GRIN2A: variants seen among roughly 807,000 people sequenced by gnomAD.
The protein encoded by GRIN2A is glutamate receptor ionotropic, NMDA 2A.
A neutral mutation model predicts 113.4 loss-of-function variants in GRIN2A; 22 were observed. That is an observed-to-expected ratio of 0.19 (90% CI 0.14 to 0.28). The LOEUF (loss-of-function observed/expected upper bound fraction) is 0.28. GRIN2A is among the 10% of genes least tolerant of loss of function. GRIN2A has a pLI of 1.00. For synonymous variants in GRIN2A, 827 were observed against 738.4 expected (o/e 1.12, Z -1.94); for missense variants, 1,502 against 1,887.0 (o/e 0.80, Z 3.78).
rs1464988205 is a variant in GRIN2A at position 10,036,443 on chromosome 16, TTTTTTC to T, written c.415-97898_415-97893del. On this transcript the variant is annotated intron_variant, in intron 2 of 12. Coordinates refer to ENST00000330684, the MANE Select transcript of GRIN2A (RefSeq NM_001134407.3). ...ATAAAAATATTAGTACTTACTTTTT[TTTTTTC>T]TTTTTTTTTTTTTTTTTTTTTTTTT... Among the ~76,000 whole-genome samples, 276 of 68,458 alleles carry T rather than the reference TTTTTTC, an allele frequency of 4.0e-3. 4 individuals are homozygous for T. The highest frequency in any genetic ancestry group is 0.011 in the South Asian group (20 of 1,860). 44.9% of individuals were successfully genotyped at this position (68,458 alleles called of 152,430 possible).
intron 4 of GRIN2A, among the ~76,000 whole-genome samples, chr16:9,883,692 G>T (rs2141461743): frequency 6.6e-6 from 1 of 152,300 alleles, no homozygotes; most frequent in Non-Finnish European, 1.5e-5. Flanking sequence ...CTTTGGACAA[G>T]GTGATATTGG....
chr16:9,815,393 T>C (rs542085704), intron 10 of GRIN2A, among the ~76,000 whole-genome samples: 117 of 139,756 alleles, frequency 8.4e-4, no homozygotes, highest in Middle Eastern at 3.7e-3. Flanking sequence ...TACAGAGAAC[T>C]CTTAAAACCT....
At chr16:10,035,990 G>C (rs28470391) in intron 2 of GRIN2A, among the ~76,000 whole-genome samples, 2,345 of 152,220 alleles carry the variant, frequency 0.015, 67 homozygotes, top group African/African-American at 0.053. Context: ...TCCCAAAGTG[G>C]TGGGATTACA....
intron 11 of GRIN2A, among the ~76,000 whole-genome samples, chr16:9,774,162 C>G (rs903375536): frequency 6.6e-6 from 1 of 152,170 alleles, no homozygotes; most frequent in African/African-American, 2.4e-5. Context: ...GGAGGAGTTT[C>G]TCCCATTACC....
chr16:10,070,387 A>G (rs982760435), intron 2 of GRIN2A, among the ~76,000 whole-genome samples: 11 of 152,310 alleles, frequency 7.2e-5, no homozygotes, highest in South Asian at 2.1e-4. Context: ...GACTTGCTGA[A>G]CTGGAATCTG....
rs188578074 is a variant in GRIN2A at position 9,812,528 on chromosome 16, C to A, written c.2168+9736G>T. 7.9e-5 allele frequency among the ~76,000 whole-genome samples: 12 copies of A among 152,210 alleles called. No individual in the cohort carries two copies. In the East Asian group the frequency reaches 2.3e-3, roughly 29 times the overall value. Reference sequence around the variant, plus strand: ...GTGGTGCACCCCTGTAATCCCACTACTTGGGAGGCTGCAGCATGAGAATCA... The same window carrying A: ...GTGGTGCACCCCTGTAATCCCACTAATTGGGAGGCTGCAGCATGAGAATCA... On this transcript the variant is annotated intron_variant, in intron 10 of 12. Transcript: ENST00000330684.
chr16:9,965,555 T>A (rs1265857723), intron 2 of GRIN2A, among the ~76,000 whole-genome samples: 1 of 152,194 alleles, frequency 6.6e-6, no homozygotes, highest in East Asian at 1.9e-4. Flanking sequence ...CACTTAATAA[T>A]TTCCTCGACA....
At chr16:9,995,370 G>A (rs2046203312) in intron 2 of GRIN2A, among the ~76,000 whole-genome samples, 1 of 152,206 alleles carries the variant, frequency 6.6e-6, no homozygotes, top group South Asian at 2.1e-4. Flanking sequence ...GGAGGGGATA[G>A]ATGACGAATT....
chr16:10,042,371 A>G lies in GRIN2A; in HGVS notation c.415-103820T>C, dbSNP rs559633343. ...GAAGTTGGCTGCCATGACATGAGGG[A>G]CTTCAAGCAGCCCCACGGAGAGGTT... is the stretch of plus-strand genomic sequence containing the variant. On this transcript the variant is annotated intron_variant, in intron 2 of 12. Transcript: ENST00000330684. Among the ~76,000 whole-genome samples the G allele has an allele frequency of 1.6e-4, 25 of 152,100 alleles. No individual in the cohort carries two copies. The East Asian group carries it at 4.9e-3, about 30-fold the overall frequency.
chr16:9,856,744 C>T (rs181607789), intron 4 of GRIN2A, among the ~76,000 whole-genome samples: 112 of 151,796 alleles, frequency 7.4e-4, no homozygotes, highest in African/African-American at 2.7e-3. Flanking sequence ...TAACATGCTA[C>T]TTTTATTATC....
At chr16:9,918,787 G>A (rs1252618012) in intron 3 of GRIN2A, among the ~76,000 whole-genome samples, 1 of 150,348 alleles carries the variant, frequency 6.7e-6, no homozygotes, top group African/African-American at 2.5e-5. Context: ...TACATTCACT[G>A]TAAATTATGC....
At position 9,798,857 on chromosome 16, in the gene GRIN2A, G is replaced by A. The variant is rs955335635; in HGVS notation, c.2169-393C>T. The stretch of plus-strand genomic sequence containing the variant: ...ATTTGGTGGTAGTGTGTATGAAGGG[G>A]AAAGGAACTAAATAGGAATATTTTT... On this transcript the variant is annotated intron_variant, in intron 10 of 12. Coordinates refer to ENST00000330684, the MANE Select transcript of GRIN2A (RefSeq NM_001134407.3). 5.9e-5 allele frequency among the ~76,000 whole-genome samples: 9 copies of A among 152,274 alleles called. No homozygotes were observed. In the Middle Eastern group the frequency reaches 0.01, roughly 173 times the overall value.
intron 2 of GRIN2A, among the ~76,000 whole-genome samples, chr16:10,162,829 G>A (rs768951101): frequency 1.4e-4 from 21 of 152,220 alleles, no homozygotes; most frequent in East Asian, 3.9e-4. Flanking sequence ...AACCAGAGAC[G>A]TGCTTCTTTC....
intron 2 of GRIN2A, among the ~76,000 whole-genome samples, chr16:9,941,259 C>T (rs943280439): frequency 3.9e-5 from 6 of 152,170 alleles, no homozygotes; most frequent in African/African-American, 1.4e-4. Context: ...AATGTGGGAT[C>T]CTCCAACACC....
chr16:9,979,552 T>C (rs1351550666), intron 2 of GRIN2A, among the ~76,000 whole-genome samples: 13 of 152,052 alleles, frequency 8.5e-5, no homozygotes, highest in Non-Finnish European at 5.9e-5. Context: ...CCATCAGTCT[T>C]CACCACAGCT....
chr16:10,179,932 CT>C (rs1318924417), intron 2 of GRIN2A, 65 bp downstream of exon 2: 3 of 1,364,202 alleles, frequency 2.2e-6, no homozygotes, highest in Admixed American at 1.7e-5. Context: ...GTCCGAAGAC[CT>C]GCAGCAGCTG....
At chr16:9,830,017 T>C (rs2042460003) in intron 8 of GRIN2A, among the ~76,000 whole-genome samples, 2 of 152,188 alleles carry the variant, frequency 1.3e-5, no homozygotes, top group African/African-American at 2.4e-5. Context: ...CTGACAAAAA[T>C]GTGTGCATGG....
chr16:10,097,195 A>G (rs1296584947), intron 2 of GRIN2A, among the ~76,000 whole-genome samples: 6 of 152,196 alleles, frequency 3.9e-5, no homozygotes, highest in African/African-American at 4.8e-5. Context: ...TTCGTGGTAT[A>G]TATTTTTGCA....
intron 3 of GRIN2A, among the ~76,000 whole-genome samples, chr16:9,898,502 T>C (rs2043852212): frequency 6.6e-6 from 1 of 152,202 alleles, no homozygotes; most frequent in Non-Finnish European, 1.5e-5. Context: ...TCTCTAGACA[T>C]ATTTATTATT....
Sources: allele counts gnomAD v4.1 joint callset (sites outside exome capture counted in the v4.1 genomes callset), GRCh38; gene constraint gnomAD v4.1.1; transcripts MANE v1.5; gene names NCBI Gene and HGNC (gene_info 2026-07-23, HGNC 2026-07-21).